PCDHGA5: variants seen among roughly 807,000 people sequenced by gnomAD.
PCDHGA5 encodes protocadherin gamma subfamily A, 5.
In PCDHGA5, 36 loss-of-function variants were observed where a neutral mutation model predicts 56.7. The ratio of observed to expected loss-of-function variants is 0.64; its 90% confidence interval spans 0.49 to 0.84. The LOEUF (loss-of-function observed/expected upper bound fraction) is 0.84. Ranked by LOEUF, PCDHGA5 falls within the 40% of genes least tolerant of loss-of-function variation. PCDHGA5 has a pLI of 0.00. For missense variants in PCDHGA5, 1,305 were observed against 1,201.5 expected, an observed-to-expected ratio of 1.09 and a Z score of -1.27; for synonymous variants, 563 against 520.2, an observed-to-expected ratio of 1.08 and a Z score of -1.12.
At position 141,489,314 on chromosome 5, in the gene PCDHGA5, G is replaced by C. The variant is rs374235290; in HGVS notation, c.2422-5493G>C. The stretch of plus-strand genomic sequence containing the variant: ...TGCATGTTGTCCTTGTGCTGCTGGG[G>C]CTGGGTGTCTGGGCAGCTTCGTTAC... On this transcript the variant is annotated intron_variant, in intron 1 of 3. Coordinates refer to ENST00000518069, the MANE Select transcript of PCDHGA5 (RefSeq NM_018918.3). This position sits in a 1 kb window ranked among gnomAD's most constrained non-coding sequence, Gnocchi z 4.5. 2 of 1,596,790 alleles carry C rather than the reference G, an allele frequency of 1.3e-6. No homozygotes were observed. The highest frequency in any genetic ancestry group is 2.2e-5 in the East Asian group (1 of 44,724).
At position 141,403,108 on chromosome 5, in the gene PCDHGA5, G is replaced by A. The variant is rs189164879; in HGVS notation, c.2421+36357G>A. The A allele has an allele frequency of 2.7e-5, 43 of 1,614,086 alleles. No homozygotes were observed. In the African/African-American group the frequency reaches 5.1e-4, roughly 19 times the overall value. ...TTGTGGGCAACATCTCCAAGGACCT[G>A]GCTCTGGAGCCCCGGGAGCTGGCGG... On this transcript the variant is annotated intron_variant, in intron 1 of 3. Coordinates refer to ENST00000518069, the MANE Select transcript of PCDHGA5 (RefSeq NM_018918.3).
chr5:141,410,540 G>C (rs1301173391), intron 1 of PCDHGA5: 1 of 1,613,702 alleles, frequency 6.2e-7, no homozygotes. Context: ...TGAAGACATG[G>C]TTTGCAGTGT....
rs139839962 is a variant in PCDHGA5, at chr5:141,380,524, G to C, written c.2421+13773G>C. On this transcript the variant is annotated intron_variant, in intron 1 of 3. Coordinates refer to ENST00000518069, the MANE Select transcript of PCDHGA5 (RefSeq NM_018918.3). ...ATATACACTCTTTAAACTATGAAAT[G>C]ATTTCAATTTGATACAATGAGCTTA... Among the ~76,000 whole-genome samples the C allele has an allele frequency of 4.5e-3, 691 of 152,196 alleles. 6 individuals are homozygous for C. Among genetic ancestry groups the C allele is most frequent in the Middle Eastern group, 0.014 (4 of 294 alleles).
At position 141,390,019 on chromosome 5, in the gene PCDHGA5, G is replaced by A. The variant is rs1047341984; in HGVS notation, c.2421+23268G>A. The A allele has an allele frequency of 1.9e-6, 3 of 1,614,002 alleles. No individual in the cohort carries two copies. Among genetic ancestry groups the A allele is most frequent in the Non-Finnish European group, 2.5e-6 (3 of 1,179,896 alleles). Reference sequence around the variant, plus strand: ...GCCATGATTCTGGCCATTGCCTTGCGCCTGCGACGCTCCTCCAGCCCCGCC... The same window carrying A: ...GCCATGATTCTGGCCATTGCCTTGCACCTGCGACGCTCCTCCAGCCCCGCC... On this transcript the variant is annotated intron_variant, in intron 1 of 3. Transcript: ENST00000518069.
At chr5:141,492,161 TC>T (rs1269738341) in intron 1 of PCDHGA5, among the ~76,000 whole-genome samples, 2 of 152,142 alleles carry the variant, frequency 1.3e-5, no homozygotes, top group Admixed American at 6.5e-5. Context: ...ACCCTCCCTA[TC>T]CCCGCATCAC....
chr5:141,447,181 G>T (rs442221), intron 1 of PCDHGA5, among the ~76,000 whole-genome samples: 1 of 152,338 alleles, frequency 6.6e-6, no homozygotes, highest in Admixed American at 6.5e-5. Context: ...CTCTTGTCGC[G>T]CAGGCTGGAG....
intron 1 of PCDHGA5, chr5:141,433,007 C>CT: frequency 6.2e-7 from 1 of 1,614,198 alleles, no homozygotes; most frequent in Non-Finnish European, 8.5e-7. Context: ...GCAGGCTTTC[C>CT]TGCAGACCTA....
chr5:141,395,447 G>A, intron 1 of PCDHGA5: 1 of 645,042 alleles, frequency 1.6e-6, no homozygotes, highest in Admixed American at 3.5e-5. Context: ...GGAAAAGATT[G>A]TTCAACCATT....
intron 1 of PCDHGA5, among the ~76,000 whole-genome samples, chr5:141,368,024 A>G (rs948491194): frequency 6.6e-6 from 1 of 152,204 alleles, no homozygotes; most frequent in Admixed American, 6.5e-5. Context: ...TGTGCCTCAA[A>G]TTCCAGGAGG....
In PCDHGA5 at chr5:141,511,548, A is replaced by C; in HGVS notation, c.*375A>C. 3.3e-6 allele frequency: 1 copy of C among 306,952 alleles called. No homozygotes were observed. The highest frequency in any genetic ancestry group is 6.3e-6 in the Non-Finnish European group (1 of 158,248). 19.0% of individuals were successfully genotyped at this position (306,952 alleles called of 1,614,324 possible). ...CCTCCCTCCTCCCCACCCCACTCCA[A>C]CAGTTCCTCTTTCCCGAGTAAGGTG... is the stretch of plus-strand genomic sequence containing the variant. On this transcript the variant is annotated 3_prime_UTR_variant, in exon 4 of 4. Transcript: ENST00000518069.
intron 1 of PCDHGA5, chr5:141,427,261 C>A (rs903526432): frequency 1.5e-5 from 7 of 456,556 alleles, no homozygotes; most frequent in African/African-American, 4.0e-5. Flanking sequence ...GGAGGCATGA[C>A]CAGCGAATGT....
At chr5:141,504,113 C>A (rs568207803) in intron 2 of PCDHGA5, among the ~76,000 whole-genome samples, 1 of 152,220 alleles carries the variant, frequency 6.6e-6, no homozygotes, top group Non-Finnish European at 1.5e-5. Flanking sequence ...TGTGTGTGTG[C>A]CAGGGCTGTT....
chr5:141,460,576 G>A (rs2098992216), intron 1 of PCDHGA5, among the ~76,000 whole-genome samples: 1 of 152,082 alleles, frequency 6.6e-6, no homozygotes, highest in Non-Finnish European at 1.5e-5. Flanking sequence ...ACATATGTAG[G>A]TGTGGGTTTT....
At chr5:141,394,798 T>C (rs770334197) in intron 1 of PCDHGA5, 1 of 1,613,818 alleles carries the variant, frequency 6.2e-7, no homozygotes, top group Non-Finnish European at 8.5e-7. Flanking sequence ...ACGCTCACCG[T>C]AGCCGTGGCT....
chr5:141,389,049 C>T, intron 1 of PCDHGA5: 7 of 1,613,880 alleles, frequency 4.3e-6, no homozygotes, highest in Non-Finnish European at 5.9e-6. Flanking sequence ...AGGTGATGTT[C>T]CATTTAAAAT....
At chr5:141,510,062 G>GA (rs1448334820) in intron 3 of PCDHGA5, among the ~76,000 whole-genome samples, 1 of 152,150 alleles carries the variant, frequency 6.6e-6, no homozygotes. Flanking sequence ...TTGTGCATGT[G>GA]AAGCATCCAG....
In PCDHGA5 at chr5:141,485,513, T is replaced by C. The variant is rs751762068; in HGVS notation, c.2422-9294T>C. The C allele has an allele frequency of 4.3e-6, 7 of 1,613,938 alleles. No homozygotes were observed. The highest frequency in any genetic ancestry group is 2.2e-5 in the East Asian group (1 of 44,890). On this transcript the variant is annotated intron_variant, in intron 1 of 3. Coordinates refer to ENST00000518069, the MANE Select transcript of PCDHGA5 (RefSeq NM_018918.3). The surrounding 1 kb of genome is among the most constrained non-coding windows in gnomAD (Gnocchi z 5.7). ...CCTGGAGTTTGTCACCGAAGGTCCTTTGGAAATGTACCGAGCAGAGGTAGA... is the reference window on the plus strand; with the variant it reads ...CCTGGAGTTTGTCACCGAAGGTCCTCTGGAAATGTACCGAGCAGAGGTAGA...
At chr5:141,450,888 G>C (rs1038570371) in intron 1 of PCDHGA5, among the ~76,000 whole-genome samples, 27 of 145,380 alleles carry the variant, frequency 1.9e-4, no homozygotes, top group Non-Finnish European at 3.9e-4. Flanking sequence ...GCAGTGGTGC[G>C]ATATCGGCTC....
In PCDHGA5 at chr5:141,490,537, T is replaced by C; in HGVS notation, c.2422-4270T>C. On this transcript the variant is annotated intron_variant, in intron 1 of 3. Transcript: ENST00000518069. This position sits in a 1 kb window ranked among gnomAD's most constrained non-coding sequence, Gnocchi z 5.4. ...GCTGGCCAGCGATGCTGGTTCACCT[T>C]CCCTACACAAACATCTCACCATCAG... is the stretch of plus-strand genomic sequence containing the variant. 1.9e-6 allele frequency: 3 copies of C among 1,614,180 alleles called. No homozygotes were observed. The highest frequency in any genetic ancestry group is 8.5e-7 in the Non-Finnish European group (1 of 1,180,028).
Sources: gnomAD v4.1 joint callset for allele counts (sites outside exome capture counted in the v4.1 genomes callset) on GRCh38, gnomAD v4.1.1 for gene constraint, Gnocchi (gnomAD v3.1) non-coding constraint, MANE v1.5 for transcripts, NCBI Gene and HGNC (gene_info 2026-07-23, HGNC 2026-07-21) for gene names.